The following FGD6 variants were observed in gnomAD, a reference collection of about 807,000 sequenced individuals.
FGD6 encodes FYVE, RhoGEF and PH domain containing 6.
Under a neutral mutation model 149.4 loss-of-function variants are expected in FGD6, and 90 were observed. That is an observed-to-expected ratio of 0.60 (90% CI 0.51 to 0.72). FGD6 has a LOEUF of 0.72. FGD6 is among the 30% of genes least tolerant of loss of function. FGD6 has a pLI of 0.00. For missense variants in FGD6, 1,437 were observed against 1,684.8 expected (o/e 0.85, Z 2.57); for synonymous variants, 527 against 584.0 (o/e 0.90, Z 1.41).
intron 14 of FGD6, among the ~76,000 whole-genome samples, chr12:95,102,577 A>G (rs1878486085): frequency 6.6e-6 from 1 of 152,166 alleles, no homozygotes. Context: ...GGTACCCCCA[A>G]GAAATTTGCT....
At chr12:95,092,953 GCTCACGC>G in intron 15 of FGD6, 108 bp from the exon 16 acceptor site, 1 of 1,259,654 alleles carries the variant, frequency 7.9e-7, no homozygotes, top group South Asian at 1.4e-5. Context: ...AGGCACAGCA[GCTCACGC>G]CTGTAATCCC....
At chr12:95,098,867 ATTT>A (rs63204961) in intron 14 of FGD6, among the ~76,000 whole-genome samples, 14 of 126,742 alleles carry the variant, frequency 1.1e-4, no homozygotes, top group Admixed American at 1.7e-4. Context: ...GGCCCTTTTA[ATTT>A]TTTTTTTTTT....
intron 6 of FGD6, 134 bp from the exon 7 acceptor site, chr12:95,137,812 T>A: frequency 1.8e-6 from 1 of 566,814 alleles, no homozygotes; most frequent in Non-Finnish European, 2.8e-6. Context: ...TCAAAATGCC[T>A]ACTTTTCACC....
chr12:95,197,148 A>G (rs1248032938), intron 2 of FGD6, among the ~76,000 whole-genome samples: 1 of 151,558 alleles, frequency 6.6e-6, no homozygotes, highest in East Asian at 2.0e-4. Context: ...TCACAATTCA[A>G]TATGCTCAGG....
chr12:95,088,709 C>T (rs1014963896), intron 18 of FGD6, among the ~76,000 whole-genome samples: 2 of 152,170 alleles, frequency 1.3e-5, no homozygotes, highest in African/African-American at 2.4e-5. Flanking sequence ...GGTGGATAAA[C>T]TGTGGTATAC....
chr12:95,085,489 C>T, intron 19 of FGD6: 1 of 392,186 alleles, frequency 2.5e-6, no homozygotes, highest in Non-Finnish European at 4.5e-6. Flanking sequence ...CAGGTGTGAG[C>T]CAGTGCACCT....
In FGD6 at chr12:95,113,709, A is replaced by G. The variant is rs1565899334; in HGVS notation, c.3083-8T>C. On this transcript the variant is annotated splice_region_variant and splice_polypyrimidine_tract_variant and intron_variant, in intron 8 of 20. Coordinates refer to ENST00000343958, the MANE Select transcript of FGD6 (RefSeq NM_018351.4). Reference sequence around the variant, plus strand: ...TGAGATTCTTCAAATAATCTAGAAAAGAAGAAAAAAAAGTATTTAAGTACA... The same window carrying G: ...TGAGATTCTTCAAATAATCTAGAAAGGAAGAAAAAAAAGTATTTAAGTACA... 7 of 1,565,214 alleles carry G rather than the reference A, an allele frequency of 4.5e-6. No homozygotes were observed. The highest frequency in any genetic ancestry group is 6.1e-6 in the Non-Finnish European group (7 of 1,149,314).
Position 95,134,845 on chromosome 12 carries a change from T to C in FGD6, c.2995-19A>G, listed in dbSNP as rs771248693. The stretch of plus-strand genomic sequence containing the variant: ...GGCTCATCTGAAAGGAGAAGGCATC[T>C]AAATTAACACAGTGTTTTCTAAGAA... On this transcript the variant is annotated intron_variant, in intron 7 of 20. Transcript: ENST00000343958. 1 of 1,600,700 alleles carries C rather than the reference T, an allele frequency of 6.2e-7. No individual in the cohort carries two copies. Among genetic ancestry groups the C allele is most frequent in the South Asian group, 1.1e-5 (1 of 89,214 alleles).
intron 3 of FGD6, among the ~76,000 whole-genome samples, chr12:95,168,999 G>A (rs1028612021): frequency 9.2e-5 from 14 of 152,206 alleles, no homozygotes; most frequent in Non-Finnish European, 1.9e-4. Flanking sequence ...GAAAGAAAGA[G>A]ACTATTCTAT....
At chr12:95,199,487 T>A (rs1422059261) in intron 2 of FGD6, among the ~76,000 whole-genome samples, 1 of 152,196 alleles carries the variant, frequency 6.6e-6, no homozygotes, top group African/African-American at 2.4e-5. Context: ...TACCTGGACT[T>A]GTAAACGATT....
intron 3 of FGD6, among the ~76,000 whole-genome samples, chr12:95,160,725 C>G (rs1192850912): frequency 6.6e-6 from 1 of 152,100 alleles, no homozygotes; most frequent in Non-Finnish European, 1.5e-5. Flanking sequence ...TAGGAATTGC[C>G]TCTTCTTTTC....
At chr12:95,112,136 A>T (rs1878844619) in intron 9 of FGD6, among the ~76,000 whole-genome samples, 1 of 152,070 alleles carries the variant, frequency 6.6e-6, no homozygotes, top group Admixed American at 6.6e-5. Context: ...TGGAGGGCTG[A>T]GGCAAGAGAA....
chr12:95,131,969 G>A (rs377579228), intron 8 of FGD6, among the ~76,000 whole-genome samples: 1 of 152,116 alleles, frequency 6.6e-6, no homozygotes, highest in East Asian at 1.9e-4. Flanking sequence ...GAACCTGGTA[G>A]GCGGAGGTTG....
intron 8 of FGD6, chr12:95,116,752 C>A: frequency 2.3e-6 from 1 of 442,864 alleles, no homozygotes; most frequent in Non-Finnish European, 4.5e-6. Flanking sequence ...ACTTATCCAT[C>A]CATCCATCCA....
chr12:95,212,214 AGAGTGAACTAGTTAGTTT>A (rs1370094679), intron 1 of FGD6, among the ~76,000 whole-genome samples: 1 of 152,190 alleles, frequency 6.6e-6, no homozygotes, highest in Non-Finnish European at 1.5e-5. Context: ...GTCCTACCCT[AGAGTGAACTAGTTAGTTT>A]CTGGGGATAG....
intron 2 of FGD6, among the ~76,000 whole-genome samples, chr12:95,176,288 T>C (rs576723002): frequency 1.3e-5 from 2 of 152,268 alleles, no homozygotes; most frequent in East Asian, 3.9e-4. Flanking sequence ...ATGCCAATTG[T>C]ATAGTTTGGA....
In FGD6 at chr12:95,208,977, T is replaced by A. The variant is rs1187938018; in HGVS notation, c.2307A>T (p.Ile769=). The A allele has an allele frequency of 6.2e-7, 1 of 1,614,134 alleles. No individual in the cohort carries two copies. Among genetic ancestry groups the A allele is most frequent in the Admixed American group, 1.7e-5 (1 of 60,006 alleles). ...GCCATTCCAACTCTTGAGTTTTCCG[T>A]ATAGCCATAATAAATGGCAAGTTCT... ...EYENLPFIMA[I]RKTQELEWQN... is the part of the protein sequence containing the mutation. Residue 769 remains isoleucine, a synonymous_variant, in exon 2 of 21, where the codon ATA becomes ATT. Coordinates refer to ENST00000343958, the MANE Select transcript of FGD6 (RefSeq NM_018351.4).
At chr12:95,173,351 G>A (rs1881046111) in intron 2 of FGD6, among the ~76,000 whole-genome samples, 1 of 152,134 alleles carries the variant, frequency 6.6e-6, no homozygotes, top group African/African-American at 2.4e-5. Context: ...AGGGGCCCAG[G>A]GCCCAGCAAT....
rs1421840238 is a variant in FGD6 at position 95,210,614 on chromosome 12, C to T, written c.670G>A (p.Asp224Asn). The change falls in exon 2 of 21, where the codon GAT becomes AAT. Residue 224 changes from aspartate (D) to asparagine (N), a missense_variant. Physicochemically the swap from Asp to Asn is conservative, Grantham distance 23. Transcript: ENST00000343958. Reference sequence around the variant, plus strand: ...AAGCTGGATGGGGAAGGTGACAAATCCGCAAATTCAATTCTGAATTGTCCA... The same window carrying T: ...AAGCTGGATGGGGAAGGTGACAAATTCGCAAATTCAATTCTGAATTGTCCA... The part of the protein sequence containing the change: ...SNGQFRIEFA[D>N]LSPSPSSFEK... The T allele has an allele frequency of 9.9e-6, 16 of 1,614,026 alleles. No homozygotes were observed. In the Admixed American group the frequency reaches 1.0e-4, roughly 10 times the overall value.
Sources: allele counts gnomAD v4.1 joint callset (sites outside exome capture counted in the v4.1 genomes callset), GRCh38; gene constraint gnomAD v4.1.1; transcripts MANE v1.5; gene names NCBI Gene and HGNC (gene_info 2026-07-23, HGNC 2026-07-21).